SUGCT: variants seen among roughly 807,000 people sequenced by gnomAD.
The protein encoded by SUGCT is succinyl-CoA:glutarate CoA-transferase.
A neutral mutation model predicts 55.0 loss-of-function variants in SUGCT; 41 were observed. That is an observed-to-expected ratio of 0.74 (90% CI 0.58 to 0.97). SUGCT has a LOEUF of 0.97. Among genes scored for constraint, SUGCT ranks in the 50% least tolerant of loss-of-function variants. SUGCT has a pLI of 0.00. For synonymous variants in SUGCT, 187 were observed against 200.4 expected, an observed-to-expected ratio of 0.93 and a Z score of 0.56; for missense variants, 568 against 547.8, an observed-to-expected ratio of 1.04 and a Z score of -0.37.
At chr7:40,962,972 G>A in the SUGCT span, among the ~76,000 whole-genome samples, 55 of 152,144 alleles carry the variant, frequency 3.6e-4, no homozygotes, top group African/African-American at 1.2e-3. Context: ...TAATAATGTC[G>A]AAGAAGAAAC....
intron 9 of SUGCT, among the ~76,000 whole-genome samples, chr7:40,449,054 C>T (rs1257422561): frequency 6.6e-6 from 1 of 151,648 alleles, no homozygotes; most frequent in Non-Finnish European, 1.5e-5. Flanking sequence ...ATACAATAGC[C>T]ACTAGCCACA....
the SUGCT span, among the ~76,000 whole-genome samples, chr7:41,004,225 T>C: frequency 2.0e-5 from 3 of 152,236 alleles, no homozygotes; most frequent in Non-Finnish European, 4.4e-5. Flanking sequence ...ATTCGCTGAC[T>C]GCTTCTCATT....
downstream of SUGCT, among the ~76,000 whole-genome samples, chr7:40,861,246 T>A (rs1187010803): frequency 2.0e-5 from 3 of 152,220 alleles, no homozygotes; most frequent in African/African-American, 7.2e-5. Flanking sequence ...ACAGGGTTTT[T>A]AAATGAATTA....
intron 8 of SUGCT, among the ~76,000 whole-genome samples, chr7:40,305,180 C>T (rs562779661): frequency 6.6e-6 from 1 of 152,318 alleles, no homozygotes; most frequent in Admixed American, 6.5e-5. Flanking sequence ...GGCTTTGTCA[C>T]TTCAGTGGGC....
At chr7:40,623,564 A>T (rs1346147350) in intron 12 of SUGCT, among the ~76,000 whole-genome samples, 1 of 152,192 alleles carries the variant, frequency 6.6e-6, no homozygotes, top group Admixed American at 6.5e-5. Flanking sequence ...AAGTTAATAA[A>T]TTTTATTAAA....
At chr7:40,650,052 A>G in intron 12 of SUGCT, among the ~76,000 whole-genome samples, 1 of 152,200 alleles carries the variant, frequency 6.6e-6, no homozygotes, top group Admixed American at 6.5e-5. Flanking sequence ...CTGAAGGTTC[A>G]AATGGGGGGA....
At chr7:40,956,533 G>A in the SUGCT span, among the ~76,000 whole-genome samples, 1 of 151,860 alleles carries the variant, frequency 6.6e-6, no homozygotes, top group South Asian at 2.1e-4. Context: ...TATTCATCTG[G>A]CTAGTGGTCT....
chr7:40,138,384 T>C (rs866106202), intron 1 of SUGCT, among the ~76,000 whole-genome samples: 7 of 152,206 alleles, frequency 4.6e-5, no homozygotes, highest in Non-Finnish European at 1.0e-4. Flanking sequence ...ATTTTGTTTA[T>C]TTAGTGCTCC....
the SUGCT span, among the ~76,000 whole-genome samples, chr7:40,879,394 C>T: frequency 2.0e-5 from 3 of 152,170 alleles, no homozygotes; most frequent in African/African-American, 7.2e-5. Flanking sequence ...CAAATCCAGG[C>T]ATCATGTCAT....
intron 9 of SUGCT, among the ~76,000 whole-genome samples, chr7:40,366,698 A>G (rs1441006593): frequency 2.0e-5 from 3 of 152,176 alleles, no homozygotes; most frequent in Non-Finnish European, 2.9e-5. Flanking sequence ...AGAAATGCAA[A>G]TCAAAACCAC....
chr7:40,181,481 C>A (rs1415337656), intron 2 of SUGCT, among the ~76,000 whole-genome samples: 1 of 152,088 alleles, frequency 6.6e-6, no homozygotes, highest in Non-Finnish European at 1.5e-5. Context: ...CGCGGTGGCT[C>A]ACGCCTGTAA....
At chr7:40,671,678 A>G (rs1801947308) in intron 12 of SUGCT, among the ~76,000 whole-genome samples, 2 of 152,226 alleles carry the variant, frequency 1.3e-5, no homozygotes, top group Non-Finnish European at 2.9e-5. Flanking sequence ...CTTGTATGTT[A>G]CAAACTACAA....
rs192833435 is a variant in SUGCT, at chr7:40,426,606, G to A, written c.817-22681G>A. Among the ~76,000 whole-genome samples the A allele has an allele frequency of 2.4e-3, 369 of 152,230 alleles. 2 individuals are homozygous for A. Among genetic ancestry groups the A allele is most frequent in the Middle Eastern group, 6.8e-3 (2 of 294 alleles). On this transcript the variant is annotated intron_variant, in intron 9 of 13. Coordinates refer to ENST00000335693, the MANE Select transcript of SUGCT (RefSeq NM_001193313.2). ...GGTATTGACTTTTACATCACCGAAGGTGTTTCCATAGATGGAAGACAGCCA... is the reference window on the plus strand; with the variant it reads ...GGTATTGACTTTTACATCACCGAAGATGTTTCCATAGATGGAAGACAGCCA...
At chr7:40,636,242 C>T (rs1358452009) in intron 12 of SUGCT, among the ~76,000 whole-genome samples, 1 of 152,118 alleles carries the variant, frequency 6.6e-6, no homozygotes, top group Non-Finnish European at 1.5e-5. Context: ...CTAAAGGCTC[C>T]CTCACATGAC....
chr7:40,479,122 A>G (rs1468471128), intron 11 of SUGCT, among the ~76,000 whole-genome samples: 1 of 152,020 alleles, frequency 6.6e-6, no homozygotes, highest in Admixed American at 6.6e-5. Flanking sequence ...TTATCCATTT[A>G]TCCACTGATG....
the SUGCT span, among the ~76,000 whole-genome samples, chr7:40,884,035 T>G: frequency 6.6e-6 from 1 of 152,118 alleles, no homozygotes; most frequent in Non-Finnish European, 1.5e-5. Flanking sequence ...TTTCACATTC[T>G]CTCTTGTATC....
intron 12 of SUGCT, among the ~76,000 whole-genome samples, chr7:40,551,076 C>T (rs1795271443): frequency 6.6e-6 from 1 of 152,194 alleles, no homozygotes; most frequent in Admixed American, 6.5e-5. Flanking sequence ...GAGGCCCTCA[C>T]TGAGCTCTTT....
intron 12 of SUGCT, among the ~76,000 whole-genome samples, chr7:40,547,147 C>T (rs1795034277): frequency 6.6e-6 from 1 of 152,140 alleles, no homozygotes; most frequent in South Asian, 2.1e-4. Flanking sequence ...GCCAGGAAAG[C>T]TGGTGATGTG....
At chr7:40,935,869 A>G in the SUGCT span, among the ~76,000 whole-genome samples, 1 of 152,204 alleles carries the variant, frequency 6.6e-6, no homozygotes, top group Non-Finnish European at 1.5e-5. Flanking sequence ...CCAGCAGTTT[A>G]TATGGTTTCC....
Sources: gnomAD v4.1 joint callset for allele counts (sites outside exome capture counted in the v4.1 genomes callset) on GRCh38, gnomAD v4.1.1 for gene constraint, MANE v1.5 for transcripts, NCBI Gene and HGNC (gene_info 2026-07-23, HGNC 2026-07-21) for gene names.